CATSPERE: variants seen among roughly 807,000 people sequenced by gnomAD.
CATSPERE encodes the protein catsper channel auxiliary subunit epsilon.
CATSPERE carries 93 observed loss-of-function variants against 114.1 expected under a neutral mutation model. That is an observed-to-expected ratio of 0.81 (90% CI 0.69 to 0.97). The LOEUF (loss-of-function observed/expected upper bound fraction) is 0.97, where lower values mean the gene tolerates loss of function less well. CATSPERE is among the 50% of genes least tolerant of loss of function. The probability of loss-of-function intolerance (pLI) is 0.00; values close to 1 mark genes in which losing one functional copy is unlikely to be tolerated. For synonymous variants in CATSPERE, 341 were observed against 384.1 expected (o/e 0.89, Z 1.31); for missense variants, 1,058 against 1,131.6 (o/e 0.93, Z 0.93).
upstream of CATSPERE, among the ~76,000 whole-genome samples, chr1:244,458,185 G>GA (rs536492069): frequency 2.1e-3 from 316 of 152,204 alleles, 2 homozygotes; most frequent in African/African-American, 7.2e-3. Context: ...CATTAGAATA[G>GA]AAAAAACCTT....
At chr1:244,470,024 A>G (rs767647110) in intron 2 of CATSPERE, among the ~76,000 whole-genome samples, 4 of 152,156 alleles carry the variant, frequency 2.6e-5, no homozygotes, top group Non-Finnish European at 4.4e-5. Context: ...ACCCCACCTC[A>G]GACCACACCC....
At chr1:244,570,159 G>T (rs1320191915) in intron 10 of CATSPERE, among the ~76,000 whole-genome samples, 1 of 151,922 alleles carries the variant, frequency 6.6e-6, no homozygotes, top group Non-Finnish European at 1.5e-5. Flanking sequence ...ATCCCTTCTT[G>T]AGTCAATTTC....
chr1:244,629,677 T>C (rs1673678166), intron 20 of CATSPERE, among the ~76,000 whole-genome samples: 1 of 151,808 alleles, frequency 6.6e-6, no homozygotes, highest in African/African-American at 2.4e-5. Context: ...TCTTGGTCTG[T>C]GGTCCAGGCT....
intron 20 of CATSPERE, among the ~76,000 whole-genome samples, chr1:244,621,253 A>AGATATATCTATATAAATATATT (rs1672288584): frequency 1.6e-4 from 6 of 38,582 alleles, no homozygotes; most frequent in African/African-American, 4.4e-4. Flanking sequence ...ATATATTTAT[A>AGATATATCTATATAAATATATT]TAGATATATT....
chr1:244,477,992 ATATGT>A lies in CATSPERE; in HGVS notation c.258+21_258+25del. ...ACTGGCCCAGTAAGTTGTTTTAATG[ATATGT>A]TATTAAATCTTGAATAATCATCCTG... On this transcript the variant is annotated intron_variant, in intron 4 of 21. Transcript: ENST00000366534. 1 of 1,534,682 alleles carries A rather than the reference ATATGT, an allele frequency of 6.5e-7. No homozygotes were observed. Among genetic ancestry groups the A allele is most frequent in the Non-Finnish European group, 9.0e-7 (1 of 1,111,912 alleles).
chr1:244,517,780 A>T (rs1434730540), intron 7 of CATSPERE, among the ~76,000 whole-genome samples: 1 of 151,708 alleles, frequency 6.6e-6, no homozygotes, highest in Admixed American at 6.6e-5. Context: ...TCTCAAAAAA[A>T]AAAAAAATCA....
chr1:244,625,424 A>ATTTTTTTTTTT (rs1281579567), intron 20 of CATSPERE, among the ~76,000 whole-genome samples: 14 of 3,952 alleles, frequency 3.5e-3, no homozygotes, highest in Admixed American at 0.01. Context: ...ATATATATAT[A>ATTTTTTTTTTT]TATATATATT....
intron 20 of CATSPERE, among the ~76,000 whole-genome samples, chr1:244,632,738 AG>A (rs889381586): frequency 3.3e-5 from 5 of 152,164 alleles, no homozygotes; most frequent in African/African-American, 1.2e-4. Context: ...AAAAGGAGAA[AG>A]GAACAACAAA....
chr1:244,625,990 G>A (rs1474311951), intron 20 of CATSPERE, among the ~76,000 whole-genome samples: 1 of 152,016 alleles, frequency 6.6e-6, no homozygotes. Context: ...CAGATATGCT[G>A]TCATCCAAGC....
At chr1:244,548,300 G>A (rs1316933757) in intron 8 of CATSPERE, among the ~76,000 whole-genome samples, 2 of 152,178 alleles carry the variant, frequency 1.3e-5, no homozygotes, top group African/African-American at 4.8e-5. Flanking sequence ...GTTATTCATG[G>A]GCTCAGCAAC....
chr1:244,461,375 C>G lies in CATSPERE; in HGVS notation c.-55C>G. Reference sequence around the variant, plus strand: ...GCCGGGCCGACGTCCCACGGGAATGCGCGAGGCCTGGACGGGAGTGGCCGA... The same window carrying G: ...GCCGGGCCGACGTCCCACGGGAATGGGCGAGGCCTGGACGGGAGTGGCCGA... On this transcript the variant is annotated 5_prime_UTR_variant, in exon 1 of 22. Transcript: ENST00000366534. 7.7e-7 allele frequency: 1 copy of G among 1,296,712 alleles called. No individual in the cohort carries two copies. Among genetic ancestry groups the G allele is most frequent in the Non-Finnish European group, 9.9e-7 (1 of 1,013,272 alleles). The allele number at this position is 1,296,712 out of a possible 1,614,324, so 80.3% of individuals were successfully genotyped here.
At chr1:244,506,583 G>T (rs953018483) in intron 7 of CATSPERE, among the ~76,000 whole-genome samples, 3 of 152,034 alleles carry the variant, frequency 2.0e-5, no homozygotes, top group African/African-American at 7.2e-5. Context: ...GGAGGAGGGA[G>T]TTTTATTTTG....
chr1:244,563,536 T>A (rs895401603), intron 10 of CATSPERE, among the ~76,000 whole-genome samples: 3 of 152,216 alleles, frequency 2.0e-5, no homozygotes, highest in African/African-American at 7.2e-5. Flanking sequence ...CTTTTTTCCA[T>A]GTTTGTTGGC....
rs558650527 is a variant in CATSPERE, at chr1:244,633,283, C to T, written c.2649-2206C>T. ...AACCAATTCAATCCATTTGACAACA[C>T]TACATCTAACAACTTTTAAACCATA... On this transcript the variant is annotated intron_variant, in intron 20 of 21. Coordinates refer to ENST00000366534, the MANE Select transcript of CATSPERE (RefSeq NM_001130957.2). The surrounding 1 kb of genome is among the most constrained non-coding windows in gnomAD (Gnocchi z 4.1). Among the ~76,000 whole-genome samples, 316 of 152,194 alleles carry T rather than the reference C, an allele frequency of 2.1e-3. No individual in the cohort carries two copies. Among genetic ancestry groups the T allele is most frequent in the Non-Finnish European group, 3.5e-3 (238 of 68,032 alleles).
chr1:244,545,855 A>T (rs904752576), intron 8 of CATSPERE, among the ~76,000 whole-genome samples: 1 of 152,196 alleles, frequency 6.6e-6, no homozygotes, highest in African/African-American at 2.4e-5. Flanking sequence ...CCAAATTTGC[A>T]TGGTTCCTAC....
At chr1:244,521,726 C>T (rs1175374203) in intron 8 of CATSPERE, among the ~76,000 whole-genome samples, 1 of 152,046 alleles carries the variant, frequency 6.6e-6, no homozygotes, top group Non-Finnish European at 1.5e-5. Context: ...ATTTCTACAA[C>T]AATTCAAAAG....
At chr1:244,616,096 T>G (rs1310316035) in intron 19 of CATSPERE, among the ~76,000 whole-genome samples, 1 of 151,980 alleles carries the variant, frequency 6.6e-6, no homozygotes, top group Non-Finnish European at 1.5e-5. Context: ...GCCACTGAAC[T>G]CCAGCCGGGG....
At chr1:244,567,360 T>C (rs912313101) in intron 10 of CATSPERE, among the ~76,000 whole-genome samples, 4 of 152,320 alleles carry the variant, frequency 2.6e-5, no homozygotes, top group African/African-American at 9.6e-5. Flanking sequence ...CTTTTTGGTG[T>C]TCTCTGTATT....
chr1:244,586,599 C>A (rs6672251), intron 13 of CATSPERE, among the ~76,000 whole-genome samples: 1 of 152,002 alleles, frequency 6.6e-6, no homozygotes, highest in Non-Finnish European at 1.5e-5. Flanking sequence ...AAATGAAGAC[C>A]AAAAGGTCTT....
Sources: gnomAD v4.1 joint callset for allele counts (sites outside exome capture counted in the v4.1 genomes callset) on GRCh38, gnomAD v4.1.1 for gene constraint, Gnocchi (gnomAD v3.1) non-coding constraint, MANE v1.5 for transcripts, NCBI Gene and HGNC (gene_info 2026-07-23, HGNC 2026-07-21) for gene names.